MTUS2: variants seen among roughly 807,000 people sequenced by gnomAD.
MTUS2 encodes the protein microtubule-associated tumor suppressor candidate 2.
A neutral mutation model predicts 114.1 loss-of-function variants in MTUS2; 40 were observed. That is an observed-to-expected ratio of 0.35 (90% confidence interval 0.27 to 0.46). The LOEUF is 0.46. Ranked by LOEUF, MTUS2 falls within the 20% of genes least tolerant of loss-of-function variation. MTUS2 has a pLI of 1.00. For synonymous variants in MTUS2, 688 were observed against 672.0 expected, an observed-to-expected ratio of 1.02 and a Z score of -0.37; for missense variants, 1,679 against 1,705.4, an observed-to-expected ratio of 0.98 and a Z score of 0.27.
At chr13:28,854,761 G>A (rs1876512806) in intron 2 of MTUS2, among the ~76,000 whole-genome samples, 1 of 152,160 alleles carries the variant, frequency 6.6e-6, no homozygotes, top group Admixed American at 6.5e-5. Flanking sequence ...AGTCTAGCCA[G>A]TAGAATCTGA....
chr13:28,935,693 A>G (rs550570453), intron 2 of MTUS2, among the ~76,000 whole-genome samples: 1 of 152,282 alleles, frequency 6.6e-6, no homozygotes, highest in South Asian at 2.1e-4. Flanking sequence ...ACCCAGAAGG[A>G]AAGCAAATGC....
At chr13:29,058,835 T>C (rs1888273294) in intron 4 of MTUS2, among the ~76,000 whole-genome samples, 1 of 151,986 alleles carries the variant, frequency 6.6e-6, no homozygotes, top group Admixed American at 6.6e-5. Flanking sequence ...GTCCTTACGA[T>C]AGTTTGCGTT....
At chr13:29,347,100 G>T (rs372071929) in intron 7 of MTUS2, among the ~76,000 whole-genome samples, 60 of 151,976 alleles carry the variant, frequency 3.9e-4, no homozygotes, top group African/African-American at 1.4e-3. Context: ...AGTAGTTCTT[G>T]GAGCCAGAGT....
At chr13:29,280,245 T>C (rs576963366) in intron 5 of MTUS2, among the ~76,000 whole-genome samples, 42 of 152,356 alleles carry the variant, frequency 2.8e-4, no homozygotes, top group African/African-American at 9.4e-4. Flanking sequence ...ACACCCAGGA[T>C]ACAGTGCAGA....
chr13:28,928,552 G>T (rs1015205773), intron 2 of MTUS2, among the ~76,000 whole-genome samples: 6 of 152,080 alleles, frequency 3.9e-5, no homozygotes, highest in African/African-American at 1.4e-4. Context: ...CCCCAATGAG[G>T]TATCTCACTT....
At chr13:28,905,577 A>G (rs1412695258) in intron 2 of MTUS2, among the ~76,000 whole-genome samples, 2 of 151,548 alleles carry the variant, frequency 1.3e-5, no homozygotes, top group African/African-American at 4.9e-5. Flanking sequence ...CGTATGTTGA[A>G]CCAGCCTCGC....
chr13:28,832,147 C>G (rs1042951336), intron 1 of MTUS2, among the ~76,000 whole-genome samples: 1 of 152,128 alleles, frequency 6.6e-6, no homozygotes, highest in African/African-American at 2.4e-5. Flanking sequence ...AAGGCTTGAG[C>G]AACTTTATAA....
chr13:29,199,359 G>A (rs1458669501), intron 5 of MTUS2, among the ~76,000 whole-genome samples: 1 of 152,164 alleles, frequency 6.6e-6, no homozygotes, highest in Non-Finnish European at 1.5e-5. Flanking sequence ...TTTGAGATAT[G>A]TTCCATAAAT....
intron 2 of MTUS2, among the ~76,000 whole-genome samples, chr13:28,935,006 GTTTTTTTTT>G (rs775863792): frequency 2.7e-3 from 111 of 41,440 alleles, no homozygotes; most frequent in African/African-American, 0.013. Flanking sequence ...TCTCCATAGC[GTTTTTTTTT>G]TTTTTTTTTT....
intron 6 of MTUS2, chr13:29,307,210 A>G: frequency 1.8e-6 from 1 of 559,916 alleles, no homozygotes; most frequent in East Asian, 3.6e-5. Context: ...CAGCAGCCTC[A>G]AGATCATCAG....
intron 2 of MTUS2, among the ~76,000 whole-genome samples, chr13:28,903,638 C>T (rs1398262133): frequency 1.4e-4 from 21 of 151,864 alleles, no homozygotes; most frequent in Admixed American, 7.2e-4. Context: ...GTATATGTGC[C>T]ACATTTTCTT....
intron 5 of MTUS2, among the ~76,000 whole-genome samples, chr13:29,107,212 A>G (rs1593483876): frequency 6.6e-6 from 1 of 151,916 alleles, no homozygotes; most frequent in African/African-American, 2.4e-5. Context: ...TTTATTACCT[A>G]CTAGTTCTTG....
At chr13:28,997,461 C>T (rs1223565329) in intron 2 of MTUS2, among the ~76,000 whole-genome samples, 8 of 152,102 alleles carry the variant, frequency 5.3e-5, no homozygotes, top group Non-Finnish European at 8.8e-5. Context: ...CTCTCTGTCT[C>T]GTTGATCTGT....
At position 29,480,151 on chromosome 13, in the gene MTUS2, C is replaced by T. The variant is rs753402100; in HGVS notation, c.3186C>T (p.Ala1062=). The change falls in exon 10 of 16, where the codon GCC becomes GCT. Residue 1062 remains alanine, a splice_region_variant and synonymous_variant. Coordinates refer to ENST00000612955, the MANE Select transcript of MTUS2 (RefSeq NM_001033602.4). This position sits in a 1 kb window ranked among gnomAD's most constrained non-coding sequence, Gnocchi z 4.4. ...AAAGATCTTGTGCTTTGCGCCCAGC[C>T]TTCCATACAGCAAAGTGCGAGAAAC... ...IELANIRDEV[A]FHTAKCEKLQ... is the part of the protein sequence containing the mutation. 8 of 1,552,618 alleles carry T rather than the reference C, an allele frequency of 5.2e-6. No individual in the cohort carries two copies. The African/African-American group carries it at 6.8e-5, about 13-fold the overall frequency.
chr13:29,030,977 T>G (rs1429709189), intron 3 of MTUS2, among the ~76,000 whole-genome samples: 1 of 152,162 alleles, frequency 6.6e-6, no homozygotes, highest in East Asian at 1.9e-4. Flanking sequence ...TAAATATGTT[T>G]ACCTAAACAG....
At chr13:29,179,084 G>C (rs1893891750) in intron 5 of MTUS2, among the ~76,000 whole-genome samples, 1 of 152,164 alleles carries the variant, frequency 6.6e-6, no homozygotes, top group African/African-American at 2.4e-5. Context: ...TTTCTGTAGA[G>C]CACTTTATTT....
intron 2 of MTUS2, among the ~76,000 whole-genome samples, chr13:28,888,807 G>T (rs2137903733): frequency 7.0e-6 from 1 of 142,782 alleles, no homozygotes; most frequent in East Asian, 2.0e-4. Flanking sequence ...TGAAAAACAA[G>T]AGATATTTCG....
intron 5 of MTUS2, among the ~76,000 whole-genome samples, chr13:29,268,658 C>CT (rs1392220850): frequency 6.6e-6 from 1 of 152,182 alleles, no homozygotes; most frequent in Admixed American, 6.5e-5. Context: ...ACCCCACACT[C>CT]TGCTTTGTTT....
chr13:28,968,290 T>C (rs1438861975), intron 2 of MTUS2, among the ~76,000 whole-genome samples: 1 of 152,202 alleles, frequency 6.6e-6, no homozygotes, highest in Admixed American at 6.5e-5. Flanking sequence ...GGCCCACATA[T>C]CATATGCTTA....
Sources: allele counts gnomAD v4.1 joint callset (sites outside exome capture counted in the v4.1 genomes callset), GRCh38; gene constraint gnomAD v4.1.1; non-coding constraint Gnocchi (gnomAD v3.1); transcripts MANE v1.5; gene names NCBI Gene and HGNC (gene_info 2026-07-23, HGNC 2026-07-21).